ETFA: variants seen among roughly 807,000 people sequenced by gnomAD.
ETFA encodes electron transfer flavoprotein subunit alpha, mitochondrial.
A neutral mutation model predicts 46.2 loss-of-function variants in ETFA; 22 were observed. The observed-to-expected ratio is 0.48, with a 90% CI of 0.34 to 0.68. The LOEUF (loss-of-function observed/expected upper bound fraction) is 0.68. Among genes scored for constraint, ETFA ranks in the 30% least tolerant of loss-of-function variants. The pLI is 0.01. For missense variants in ETFA, 345 were observed against 401.1 expected (o/e 0.86, Z 1.19); for synonymous variants, 131 against 139.9 (o/e 0.94, Z 0.45).
intron 8 of ETFA, among the ~76,000 whole-genome samples, chr15:76,275,266 G>A (rs2039580205): frequency 6.6e-6 from 1 of 152,084 alleles, no homozygotes; most frequent in Admixed American, 6.6e-5. Flanking sequence ...TCTGGAATAT[G>A]GAGCCCAATA....
chr15:76,233,325 C>CTTTTTTTTT (rs66595585), intron 9 of ETFA, among the ~76,000 whole-genome samples: 22 of 84,492 alleles, frequency 2.6e-4, no homozygotes, highest in South Asian at 4.7e-4. Context: ...ATTCAATAGG[C>CTTTTTTTTT]TTTTTTTTTT....
chr15:76,299,387 G>C (rs965784181), intron 1 of ETFA, among the ~76,000 whole-genome samples: 1 of 152,112 alleles, frequency 6.6e-6, no homozygotes, highest in Non-Finnish European at 1.5e-5. Flanking sequence ...AGGCTCAAGC[G>C]TTCCTCCCAT....
At chr15:76,272,311 C>G (rs1474346570) in intron 9 of ETFA, among the ~76,000 whole-genome samples, 1 of 151,438 alleles carries the variant, frequency 6.6e-6, no homozygotes. Context: ...ACCTCCGCCT[C>G]CTGGGTTCAA....
intron 9 of ETFA, among the ~76,000 whole-genome samples, chr15:76,257,504 A>T (rs2039356692): frequency 6.6e-6 from 1 of 152,230 alleles, no homozygotes; most frequent in African/African-American, 2.4e-5. Flanking sequence ...CAATCATTAA[A>T]AAGTCAGGAA....
intron 11 of ETFA, among the ~76,000 whole-genome samples, chr15:76,223,461 G>A (rs1270015642): frequency 6.6e-6 from 1 of 152,012 alleles, no homozygotes; most frequent in Non-Finnish European, 1.5e-5. Context: ...GAGCTCGGGT[G>A]ATCCACCCGC....
chr15:76,248,147 TA>T (rs1460839498), intron 9 of ETFA, among the ~76,000 whole-genome samples: 3 of 152,176 alleles, frequency 2.0e-5, no homozygotes, highest in Non-Finnish European at 4.4e-5. Context: ...CCCAACCAGA[TA>T]ACTTTATTAT....
chr15:76,264,610 T>C (rs1241757726), intron 9 of ETFA, among the ~76,000 whole-genome samples: 1 of 152,238 alleles, frequency 6.6e-6, no homozygotes, highest in Non-Finnish European at 1.5e-5. Context: ...CAGGATGTTA[T>C]AATACAGCTT....
At chr15:76,309,346 G>C (rs945409679) in intron 1 of ETFA, among the ~76,000 whole-genome samples, 4 of 152,182 alleles carry the variant, frequency 2.6e-5, no homozygotes, top group African/African-American at 7.2e-5. Context: ...AGCTACTCAG[G>C]AGGCTGAGGC....
At chr15:76,257,207 TC>T (rs1189526874) in intron 9 of ETFA, among the ~76,000 whole-genome samples, 1 of 152,126 alleles carries the variant, frequency 6.6e-6, no homozygotes, top group Non-Finnish European at 1.5e-5. Context: ...TTCCAGGGAC[TC>T]CCCCTCATCA....
At chr15:76,235,789 C>T (rs1360799377) in intron 9 of ETFA, among the ~76,000 whole-genome samples, 7 of 152,286 alleles carry the variant, frequency 4.6e-5, no homozygotes, top group African/African-American at 9.6e-5. Context: ...GTGGAAAAGC[C>T]GTTAGGAGCA....
intron 9 of ETFA, among the ~76,000 whole-genome samples, chr15:76,232,509 ATACT>A (rs1421380771): frequency 6.6e-6 from 1 of 152,226 alleles, no homozygotes; most frequent in African/African-American, 2.4e-5. Flanking sequence ...TGGTTCTGTT[ATACT>A]TACTTTTATT....
At chr15:76,256,234 G>C (rs1436772514) in intron 9 of ETFA, among the ~76,000 whole-genome samples, 1 of 146,044 alleles carries the variant, frequency 6.8e-6, no homozygotes, top group African/African-American at 2.6e-5. Flanking sequence ...CTCCAGCCTG[G>C]GCAATAAGAG....
At chr15:76,274,515 T>A (rs1234072608) in intron 8 of ETFA, 21 bp from the exon 9 acceptor site, 5 of 1,584,858 alleles carry the variant, frequency 3.2e-6, no homozygotes, top group East Asian at 2.2e-5. Flanking sequence ...AAAATATTTG[T>A]CATTTTTTTC....
At chr15:76,243,376 A>G (rs2039211364) in intron 9 of ETFA, among the ~76,000 whole-genome samples, 1 of 152,172 alleles carries the variant, frequency 6.6e-6, no homozygotes, top group Admixed American at 6.5e-5. Context: ...CCATCACAGA[A>G]TTTCCCATGT....
chr15:76,282,350 A>G lies in ETFA; in HGVS notation c.733+1407T>C, dbSNP rs566362115. Among the ~76,000 whole-genome samples the G allele has an allele frequency of 2.0e-5, 3 of 152,286 alleles. No individual in the cohort carries two copies. In the East Asian group the frequency reaches 5.8e-4, roughly 29 times the overall value. ...CCAGAAGCTGGAAGAGGAAAATAAC[A>G]GATTATCTCCTAGAGCCCCCAGAGG... On this transcript the variant is annotated intron_variant, in intron 8 of 11. Coordinates refer to ENST00000557943, the MANE Select transcript of ETFA (RefSeq NM_000126.4).
intron 8 of ETFA, among the ~76,000 whole-genome samples, chr15:76,280,257 T>C (rs2039634476): frequency 6.6e-6 from 1 of 152,018 alleles, no homozygotes; most frequent in Non-Finnish European, 1.5e-5. Context: ...ATCTCAAAGG[T>C]TAATATGCCC....
At chr15:76,280,186 A>G (rs768206259) in intron 8 of ETFA, among the ~76,000 whole-genome samples, 9 of 152,084 alleles carry the variant, frequency 5.9e-5, no homozygotes, top group Non-Finnish European at 7.4e-5. Flanking sequence ...TCTCCATGGA[A>G]CTTCACATTC....
Position 76,215,716 on chromosome 15 carries a change from G to A in ETFA, c.*843C>T, listed in dbSNP as rs2038890688. The A allele has an allele frequency of 6.6e-6, 1 of 152,144 alleles. No homozygotes were observed. Among genetic ancestry groups the A allele is most frequent in the South Asian group, 2.1e-4 (1 of 4,818 alleles). The allele number at this position is 152,144 out of a possible 1,614,324, so 9.4% of individuals were successfully genotyped here. A position where few individuals can be genotyped will look rare whatever the true frequency, so the allele number is the denominator to read the frequency against. On this transcript the variant is annotated 3_prime_UTR_variant, in exon 12 of 12. Transcript: ENST00000557943. Reference sequence around the variant, plus strand: ...GCAGCAGAATGAGAGTGCCAGAGGTGACTACACAGGCCTGGGTGCTTCCTA... The same window carrying A: ...GCAGCAGAATGAGAGTGCCAGAGGTAACTACACAGGCCTGGGTGCTTCCTA...
chr15:76,225,025 C>T (rs1266463034), intron 11 of ETFA, among the ~76,000 whole-genome samples: 1 of 152,016 alleles, frequency 6.6e-6, no homozygotes, highest in Non-Finnish European at 1.5e-5. Flanking sequence ...AAGTGCTCTC[C>T]CTACACTCGT....
Sources: allele counts gnomAD v4.1 joint callset (sites outside exome capture counted in the v4.1 genomes callset), GRCh38; gene constraint gnomAD v4.1.1; transcripts MANE v1.5; gene names NCBI Gene and HGNC (gene_info 2026-07-23, HGNC 2026-07-21).